NELL2: variants seen among roughly 807,000 people sequenced by gnomAD.
The protein encoded by NELL2 is neural EGFL like 2, also known as protein kinase C-binding protein NELL2.
NELL2 carries 41 observed loss-of-function variants against 109.6 expected under a neutral mutation model. The ratio of observed to expected loss-of-function variants is 0.37; its 90% CI spans 0.29 to 0.49. The LOEUF (loss-of-function observed/expected upper bound fraction) is 0.49. NELL2 is among the 20% of genes least tolerant of loss of function. The probability of loss-of-function intolerance (pLI) is 0.98; values close to 1 mark genes in which losing one functional copy is unlikely to be tolerated. For missense variants in NELL2, 900 were observed against 1,008.3 expected (o/e 0.89, Z 1.45); for synonymous variants, 355 against 344.7 (o/e 1.03, Z -0.33).
chr12:44,666,821 A>G (rs143224538), intron 12 of NELL2, among the ~76,000 whole-genome samples: 5 of 152,262 alleles, frequency 3.3e-5, no homozygotes, highest in African/African-American at 1.2e-4. Context: ...CCAATTTCAC[A>G]TCTGATGACC....
chr12:44,510,893 A>G (rs1409569738), intron 19 of NELL2, among the ~76,000 whole-genome samples: 2 of 152,206 alleles, frequency 1.3e-5, no homozygotes, highest in Admixed American at 6.5e-5. Flanking sequence ...TTTTCTGACC[A>G]TAACCAGGTC....
intron 15 of NELL2, among the ~76,000 whole-genome samples, chr12:44,559,008 C>A (rs1424378713): frequency 6.6e-6 from 1 of 152,144 alleles, no homozygotes; most frequent in Non-Finnish European, 1.5e-5. Context: ...TCCACCATTA[C>A]TGAAGCTTGA....
At chr12:44,791,988 G>C (rs1053023485) in intron 3 of NELL2, among the ~76,000 whole-genome samples, 1 of 151,874 alleles carries the variant, frequency 6.6e-6, no homozygotes, top group Non-Finnish European at 1.5e-5. Flanking sequence ...GACATTTTGA[G>C]GCACAGCAAA....
intron 1 of NELL2, among the ~76,000 whole-genome samples, chr12:44,911,666 T>C (rs1417390140): frequency 6.6e-6 from 1 of 151,774 alleles, no homozygotes; most frequent in Non-Finnish European, 1.5e-5. Flanking sequence ...ACATTTACTA[T>C]GTTAAGTTCT....
chr12:44,837,318 T>C (rs1944084029), intron 2 of NELL2, among the ~76,000 whole-genome samples: 1 of 152,230 alleles, frequency 6.6e-6, no homozygotes, highest in South Asian at 2.1e-4. Flanking sequence ...TATCACGTGA[T>C]GTTTAGCAGC....
chr12:44,871,257 C>A (rs1400803465), intron 2 of NELL2, among the ~76,000 whole-genome samples: 1 of 152,160 alleles, frequency 6.6e-6, no homozygotes, highest in African/African-American at 2.4e-5. Flanking sequence ...ATTATATCTT[C>A]AGTTTTTCTT....
chr12:44,627,223 C>T (rs974232553), intron 13 of NELL2, among the ~76,000 whole-genome samples: 1 of 152,112 alleles, frequency 6.6e-6, no homozygotes, highest in African/African-American at 2.4e-5. Flanking sequence ...CAGTATTTTG[C>T]TAAATAAATG....
At chr12:44,838,547 A>G (rs1944124734) in intron 2 of NELL2, among the ~76,000 whole-genome samples, 1 of 152,228 alleles carries the variant, frequency 6.6e-6, no homozygotes, top group African/African-American at 2.4e-5. Flanking sequence ...CAATAATAAT[A>G]GTACACAGGT....
At chr12:44,892,693 G>A (rs556023377) in intron 1 of NELL2, among the ~76,000 whole-genome samples, 142 of 150,986 alleles carry the variant, frequency 9.4e-4, no homozygotes, top group African/African-American at 3.0e-3. Flanking sequence ...AGCTACTCGG[G>A]AGGCTGAGGC....
At position 44,546,289 on chromosome 12, in the gene NELL2, TG is replaced by T. The variant is rs1416981392; in HGVS notation, c.1664-13569del. Among the ~76,000 whole-genome samples the T allele has an allele frequency of 2.2e-3, 337 of 152,258 alleles. 1 individual carries two copies. The highest frequency in any genetic ancestry group is 7.8e-3 in the African/African-American group (324 of 41,576). On this transcript the variant is annotated intron_variant, in intron 15 of 19. Coordinates refer to ENST00000429094, the MANE Select transcript of NELL2 (RefSeq NM_001145108.2). The stretch of plus-strand genomic sequence containing the variant: ...AGAAGTTGTCAGATATAGCTTTGAG[TG>T]GGTCTTAACCAGAAAATTCACTGAT...
intron 15 of NELL2, among the ~76,000 whole-genome samples, chr12:44,587,271 C>CAAAAAAAAAAAAAAAA (rs1194091069): frequency 3.6e-5 from 1 of 28,108 alleles, no homozygotes; most frequent in Admixed American, 4.3e-4. Context: ...GACTCCGTCT[C>CAAAAAAAAAAAAAAAA]AAAAAAAAAA....
intron 12 of NELL2, among the ~76,000 whole-genome samples, chr12:44,685,233 C>T (rs1465316074): frequency 6.6e-6 from 1 of 152,044 alleles, no homozygotes; most frequent in Admixed American, 6.6e-5. Flanking sequence ...ACTAGGATTG[C>T]AACCCCTGCC....
intron 19 of NELL2, among the ~76,000 whole-genome samples, chr12:44,513,457 G>A (rs1941092060): frequency 6.6e-6 from 1 of 151,864 alleles, no homozygotes; most frequent in East Asian, 1.9e-4. Context: ...ATGACTCGAA[G>A]ATGATCCAGA....
At chr12:44,619,117 C>T (rs957372722) in intron 13 of NELL2, among the ~76,000 whole-genome samples, 1 of 152,022 alleles carries the variant, frequency 6.6e-6, no homozygotes, top group African/African-American at 2.4e-5. Context: ...GGGAAACAGG[C>T]CGAACAGGTG....
At chr12:44,778,645 G>A (rs1271201957) in intron 5 of NELL2, among the ~76,000 whole-genome samples, 1 of 152,106 alleles carries the variant, frequency 6.6e-6, no homozygotes, top group African/African-American at 2.4e-5. Context: ...AAAGCGCATG[G>A]TTTTAGGATT....
chr12:44,893,305 C>A (rs999053278), intron 1 of NELL2, among the ~76,000 whole-genome samples: 1 of 149,348 alleles, frequency 6.7e-6, no homozygotes, highest in Admixed American at 6.9e-5. Flanking sequence ...AGTTTTCTCT[C>A]CAATTTTCTC....
chr12:44,911,619 G>A (rs117374954), intron 1 of NELL2, among the ~76,000 whole-genome samples: 3,132 of 151,952 alleles, frequency 0.021, 46 homozygotes, highest in Non-Finnish European at 0.035. Flanking sequence ...ATGAAAACTA[G>A]AGCAGCTTTT....
chr12:44,895,245 C>T (rs2658985), intron 1 of NELL2, among the ~76,000 whole-genome samples: 3,682 of 152,160 alleles, frequency 0.024, 159 homozygotes, highest in African/African-American at 0.084. Flanking sequence ...TGTGAGTGAG[C>T]ATCAGCTCTG....
chr12:44,901,439 G>C (rs1264274226), intron 1 of NELL2, among the ~76,000 whole-genome samples: 1 of 152,178 alleles, frequency 6.6e-6, no homozygotes, highest in Non-Finnish European at 1.5e-5. Context: ...CCTAGAACCA[G>C]ATGGATTCAC....
Sources: gnomAD v4.1 joint callset for allele counts (sites outside exome capture counted in the v4.1 genomes callset) on GRCh38, gnomAD v4.1.1 for gene constraint, MANE v1.5 for transcripts, NCBI Gene and HGNC (gene_info 2026-07-23, HGNC 2026-07-21) for gene names.